IL16: variants seen among roughly 807,000 people sequenced by gnomAD.
The protein encoded by IL16 is interleukin 16, also known as pro-interleukin-16.
Under a neutral mutation model 110.1 loss-of-function variants are expected in IL16, and 67 were observed. That is an observed-to-expected ratio of 0.61 (90% CI 0.50 to 0.75). IL16 has a LOEUF of 0.75. Ranked by LOEUF, IL16 falls within the 30% of genes least tolerant of loss-of-function variation. IL16 has a pLI of 0.00. For synonymous variants in IL16, 689 were observed against 662.9 expected (o/e 1.04, Z -0.61); for missense variants, 1,545 against 1,655.0 (o/e 0.93, Z 1.15).
intron 4 of IL16, among the ~76,000 whole-genome samples, chr15:81,267,136 T>C (rs2142222670): frequency 6.6e-6 from 1 of 152,254 alleles, no homozygotes; most frequent in African/African-American, 2.4e-5. Flanking sequence ...GGCTAGCGGG[T>C]ACTTCCTGGG....
upstream of IL16, among the ~76,000 whole-genome samples, chr15:81,192,956 C>T (rs1195539475): frequency 6.6e-6 from 1 of 152,212 alleles, no homozygotes; most frequent in African/African-American, 2.4e-5. Flanking sequence ...AGGGCTTATT[C>T]TGGCAGGCAC....
chr15:81,194,894 T>C (rs1368090173), upstream of IL16, among the ~76,000 whole-genome samples: 1 of 152,172 alleles, frequency 6.6e-6, no homozygotes, highest in Non-Finnish European at 1.5e-5. Context: ...AAGCTCTTGG[T>C]TGAGCTTCAA....
intron 2 of IL16, among the ~76,000 whole-genome samples, chr15:81,228,322 ATTT>A (rs34038033): frequency 2.8e-5 from 4 of 140,480 alleles, no homozygotes; most frequent in Admixed American, 7.1e-5. Context: ...TGTACAACAC[ATTT>A]TTTTTTTTTT....
intron 2 of IL16, among the ~76,000 whole-genome samples, chr15:81,246,383 T>G (rs1009348095): frequency 6.6e-6 from 1 of 152,200 alleles, no homozygotes; most frequent in African/African-American, 2.4e-5. Context: ...TATTCTCTCT[T>G]TCTTTTTCTG....
intron 2 of IL16, among the ~76,000 whole-genome samples, chr15:81,234,145 T>C (rs1450084335): frequency 6.6e-6 from 1 of 152,154 alleles, no homozygotes; most frequent in East Asian, 1.9e-4. Context: ...TTATCTTCAA[T>C]CTGTGTTCAC....
At chr15:81,213,727 A>G (rs1000159448) in intron 1 of IL16, among the ~76,000 whole-genome samples, 1 of 152,090 alleles carries the variant, frequency 6.6e-6, no homozygotes, top group African/African-American at 2.4e-5. Context: ...TTCCATTTGC[A>G]TAGTATATCT....
chr15:81,220,591 A>G (rs995097685), intron 1 of IL16, among the ~76,000 whole-genome samples: 4 of 152,206 alleles, frequency 2.6e-5, no homozygotes, highest in Admixed American at 2.6e-4. Context: ...TTGATGTAGG[A>G]CACTGTTGGA....
At chr15:81,286,619 A>T (rs561003595) in intron 10 of IL16, among the ~76,000 whole-genome samples, 1 of 152,208 alleles carries the variant, frequency 6.6e-6, no homozygotes, top group Admixed American at 6.5e-5. Context: ...GAGCATGTTC[A>T]TATTTTAATT....
chr15:81,259,958 C>A, intron 3 of IL16, 78 bp downstream of exon 3: 1 of 914,196 alleles, frequency 1.1e-6, no homozygotes, highest in Non-Finnish European at 1.8e-6. Flanking sequence ...AGGATAGCGG[C>A]TCTCTTCTGG....
In IL16 at chr15:81,310,781, GA is replaced by G. The variant is rs1243589878; in HGVS notation, c.*1984del. Reference sequence around the variant, plus strand: ...GTTTTCATCAAGACTGGAAGGTGGGGACAGGGATGAGCATGGAGCTGGCCGT... The same window carrying G: ...GTTTTCATCAAGACTGGAAGGTGGGGCAGGGATGAGCATGGAGCTGGCCGT... On this transcript the variant is annotated 3_prime_UTR_variant, in exon 19 of 19. Coordinates refer to ENST00000683961, the MANE Select transcript of IL16 (RefSeq NM_172217.5). 1.3e-5 allele frequency: 2 copies of G among 152,300 alleles called. No homozygotes were observed. The highest frequency in any genetic ancestry group is 4.8e-5 in the African/African-American group (2 of 41,440). The allele number at this position is 152,300 out of a possible 1,614,324, so 9.4% of individuals were successfully genotyped here.
chr15:81,279,128 CTG>C (rs1357964000), intron 7 of IL16, among the ~76,000 whole-genome samples: 2 of 152,180 alleles, frequency 1.3e-5, no homozygotes, highest in East Asian at 1.9e-4. Flanking sequence ...TTAAAACACT[CTG>C]TGTATTTATC....
chr15:81,182,881 C>T, exon 1 of IL16: 1 of 1,289,404 alleles, frequency 7.8e-7, no homozygotes, highest in Non-Finnish European at 1.0e-6. Flanking sequence ...GAGAGTCTTC[C>T]CGAGAAGGCA....
chr15:81,292,227 C>A, intron 11 of IL16: 2 of 392,938 alleles, frequency 5.1e-6, no homozygotes, highest in South Asian at 4.2e-5. Context: ...GTGGCAGCCC[C>A]TGGAGGGACC....
chr15:81,204,762 G>A (rs11857006), intron 1 of IL16, among the ~76,000 whole-genome samples: 233 of 117,906 alleles, frequency 2.0e-3, no homozygotes, highest in East Asian at 0.014. Context: ...AAAAAAAAAA[G>A]AAAAAAAAGA....
chr15:81,199,036 T>A (rs909531192), intron 1 of IL16, among the ~76,000 whole-genome samples: 3,316 of 79,788 alleles, frequency 0.042, 62 homozygotes, highest in Non-Finnish European at 0.047. Context: ...AAAAAATATA[T>A]ATATATATAT....
At position 81,300,418 on chromosome 15, in the gene IL16, A is replaced by T. The variant is rs754706637; in HGVS notation, c.3092A>T (p.Asp1031Val). 2 of 1,613,890 alleles carry T rather than the reference A, an allele frequency of 1.2e-6. No homozygotes were observed. The highest frequency in any genetic ancestry group is 1.3e-5 in the African/African-American group (1 of 74,848). ...TCTCCAACATCATCATCCAACGAAG[A>T]CTCAGCTGCAAATGGTTCTGCTGAA... The part of the protein sequence containing the change: ...GASPTSSSNE[D>V]SAANGSAETS... The change falls in exon 14 of 19, where the codon GAC becomes GTC. Residue 1031 changes from aspartate to valine, a missense_variant. By Grantham distance (152) the Asp-to-Val change is radical (BLOSUM62 -3). This residue lies in a region of IL16 where 356 missense variants were observed against 399.3 expected (regional missense o/e 0.89). Coordinates refer to ENST00000683961, the MANE Select transcript of IL16 (RefSeq NM_172217.5).
chr15:81,290,378 G>T, intron 10 of IL16, 75 bp from the exon 11 acceptor site: 1 of 963,732 alleles, frequency 1.0e-6, no homozygotes, highest in Non-Finnish European at 1.6e-6. Flanking sequence ...GCCCAGCTTT[G>T]GAGCTGGTAC....
intron 9 of IL16, among the ~76,000 whole-genome samples, chr15:81,284,845 A>G (rs1018473927): frequency 2.6e-5 from 4 of 152,246 alleles, no homozygotes; most frequent in African/African-American, 9.6e-5. Flanking sequence ...CACAGCTGTC[A>G]TGCTATTAAT....
At chr15:81,212,829 C>T (rs144020291) in intron 1 of IL16, among the ~76,000 whole-genome samples, 346 of 152,210 alleles carry the variant, frequency 2.3e-3, no homozygotes, top group African/African-American at 7.7e-3. Flanking sequence ...CTTGAAAAAA[C>T]AATTCTTGGT....
Sources: allele counts gnomAD v4.1 joint callset (sites outside exome capture counted in the v4.1 genomes callset), GRCh38; gene constraint gnomAD v4.1.1; regional missense constraint gnomAD v4.1.1; transcripts MANE v1.5; gene names NCBI Gene and HGNC (gene_info 2026-07-23, HGNC 2026-07-21).